The following ZNF536 variants were observed in gnomAD, a reference collection of about 807,000 sequenced individuals.
ZNF536 encodes zinc finger protein 536.
In ZNF536, 13 loss-of-function variants were observed where a neutral mutation model predicts 84.5. The observed-to-expected ratio is 0.15, with a 90% CI of 0.10 to 0.24. The LOEUF (loss-of-function observed/expected upper bound fraction) is 0.24, where lower values mean the gene tolerates loss of function less well. Among genes scored for constraint, ZNF536 ranks in the 10% least tolerant of loss-of-function variants. The probability of loss-of-function intolerance (pLI) is 1.00; values close to 1 mark genes in which losing one functional copy is unlikely to be tolerated. For missense variants in ZNF536, 1,536 were observed against 1,747.5 expected, an observed-to-expected ratio of 0.88 and a Z score of 2.16; for synonymous variants, 811 against 742.5, an observed-to-expected ratio of 1.09 and a Z score of -1.50.
At chr19:30,248,757 GC>G (rs2024439881) in intron 1 of ZNF536, among the ~76,000 whole-genome samples, 1 of 152,058 alleles carries the variant, frequency 6.6e-6, no homozygotes, top group South Asian at 2.1e-4. Context: ...TTTGACCTTG[GC>G]CAGCAGTGGT....
At chr19:30,712,874 A>G (rs1568700160) in exon 2 of ZNF536, 1 of 151,928 alleles carries the variant, frequency 6.6e-6, no homozygotes. Context: ...TGACTGTGCC[A>G]GTCCCTTGCT....
At chr19:30,275,336 A>G (rs2026068258) in intron 1 of ZNF536, among the ~76,000 whole-genome samples, 1 of 151,960 alleles carries the variant, frequency 6.6e-6, no homozygotes, top group Admixed American at 6.6e-5. Context: ...CTCCTTCCTC[A>G]CCTTGTCCTG....
In ZNF536 at chr19:30,627,463, C is replaced by A. The variant is rs372025849; in HGVS notation, c.169+77949C>A. Among the ~76,000 whole-genome samples the A allele has an allele frequency of 5.1e-3, 449 of 88,388 alleles. 4 individuals are homozygous for A. The highest frequency in any genetic ancestry group is 0.024 in the African/African-American group (425 of 17,688). The allele number at this position is 88,388 out of a possible 152,430, so 58.0% of individuals were successfully genotyped here. On this transcript the variant is annotated intron_variant, in intron 1 of 1. Coordinates refer to the ZNF536 transcript ENST00000592773. ...TCCAGCCTGGGTGACAGACCAAGGC[C>A]CTGTCAAAAAAAAAAAAAAAAAAAA...
chr19:30,249,261 G>A (rs531138806), intron 1 of ZNF536, among the ~76,000 whole-genome samples: 4 of 151,772 alleles, frequency 2.6e-5, no homozygotes, highest in Non-Finnish European at 5.9e-5. Context: ...GGAAATGAAT[G>A]GCTGCAATAT....
chr19:30,401,246 C>T (rs541551815), intron 1 of ZNF536, among the ~76,000 whole-genome samples: 6 of 152,142 alleles, frequency 3.9e-5, no homozygotes, highest in South Asian at 4.1e-4. Context: ...TTTTCTTTTA[C>T]GAGATGGAGT....
chr19:30,331,248 C>T (rs2047199603), intron 2 of ZNF536, among the ~76,000 whole-genome samples: 1 of 134,154 alleles, frequency 7.5e-6, no homozygotes, highest in Non-Finnish European at 1.5e-5. Context: ...CACACCACTG[C>T]ACTCCACACT....
At chr19:30,364,101 G>T (rs987109726) in intron 3 of ZNF536, among the ~76,000 whole-genome samples, 8 of 152,114 alleles carry the variant, frequency 5.3e-5, no homozygotes, top group African/African-American at 1.9e-4. Context: ...GGAGGTGTAG[G>T]CTGGAGCCCC....
upstream of ZNF536, among the ~76,000 whole-genome samples, chr19:30,369,932 T>TG (rs1473367766): frequency 1.3e-5 from 2 of 152,172 alleles, no homozygotes; most frequent in African/African-American, 4.8e-5. Context: ...AGCTAGCTCC[T>TG]GGATCCAATT....
At chr19:30,504,593 T>C (rs2055089732) in intron 2 of ZNF536, among the ~76,000 whole-genome samples, 1 of 97,126 alleles carries the variant, frequency 1.0e-5, no homozygotes, top group Admixed American at 1.2e-4. Flanking sequence ...TCCTTCCCTC[T>C]CTCCAACTCT....
intron 1 of ZNF536, among the ~76,000 whole-genome samples, chr19:30,441,026 T>C (rs971522907): frequency 1.3e-5 from 2 of 152,240 alleles, no homozygotes; most frequent in Non-Finnish European, 2.9e-5. Flanking sequence ...GTCACTTGCA[T>C]AGCATGAATG....
chr19:30,654,138 A>G (rs1239078574), intron 1 of ZNF536, among the ~76,000 whole-genome samples: 1 of 152,184 alleles, frequency 6.6e-6, no homozygotes, highest in African/African-American at 2.4e-5. Flanking sequence ...AGCGGGCTGC[A>G]TAAGAAGTCT....
chr19:30,340,637 T>A (rs770658148), intron 2 of ZNF536, among the ~76,000 whole-genome samples: 1 of 152,204 alleles, frequency 6.6e-6, no homozygotes, highest in Non-Finnish European at 1.5e-5. Context: ...CAGCAGTCTC[T>A]AAATTATCAT....
At chr19:30,491,631 A>C (rs16964240) in intron 2 of ZNF536, among the ~76,000 whole-genome samples, 8,547 of 152,032 alleles carry the variant, frequency 0.056, 424 homozygotes, top group East Asian at 0.13. Flanking sequence ...AAAATGGGGG[A>C]GAATGAAACC....
intron 1 of ZNF536, among the ~76,000 whole-genome samples, chr19:30,676,785 T>C (rs140938398): frequency 6.6e-6 from 1 of 152,346 alleles, no homozygotes; most frequent in Admixed American, 6.5e-5. Flanking sequence ...ATATATCTTT[T>C]GAGGAACTTC....
chr19:30,440,124 C>A (rs1038068376), intron 1 of ZNF536, among the ~76,000 whole-genome samples: 1 of 151,840 alleles, frequency 6.6e-6, no homozygotes, highest in African/African-American at 2.4e-5. Context: ...CCACACCCAG[C>A]TAATTTTTGT....
chr19:30,551,351 C>T (rs532622646), intron 4 of ZNF536, among the ~76,000 whole-genome samples: 12 of 152,282 alleles, frequency 7.9e-5, no homozygotes, highest in African/African-American at 2.6e-4. Context: ...GGTATCCTTT[C>T]GCACCAGGCG....
intron 1 of ZNF536, among the ~76,000 whole-genome samples, chr19:30,599,078 T>C (rs1183398766): frequency 8.1e-6 from 1 of 123,088 alleles, no homozygotes; most frequent in Non-Finnish European, 1.7e-5. Context: ...CCTCCCTGTT[T>C]CCTCTTTCCC....
intron 2 of ZNF536, among the ~76,000 whole-genome samples, chr19:30,310,998 C>G (rs901509210): frequency 5.9e-5 from 9 of 152,174 alleles, no homozygotes; most frequent in African/African-American, 2.2e-4. Flanking sequence ...TCAGGAGATC[C>G]ATCGTTCCCT....
In ZNF536 at chr19:30,396,372, T is replaced by C. The variant is rs185540061; in HGVS notation, c.-3+23816T>C. Among the ~76,000 whole-genome samples, 3 of 152,352 alleles carry C rather than the reference T, an allele frequency of 2.0e-5. No individual in the cohort carries two copies. The East Asian group carries it at 5.8e-4, about 29-fold the overall frequency. ...AGTGTCCAACTTGACTTATATTTTC[T>C]GGATCAATTTGACTTTCTGGGAATT... On this transcript the variant is annotated intron_variant, in intron 1 of 4. Coordinates refer to ENST00000355537, the MANE Select transcript of ZNF536 (RefSeq NM_014717.3).
Sources: gnomAD v4.1 joint callset for allele counts (sites outside exome capture counted in the v4.1 genomes callset) on GRCh38, gnomAD v4.1.1 for gene constraint, MANE v1.5 for transcripts, NCBI Gene and HGNC (gene_info 2026-07-23, HGNC 2026-07-21) for gene names.